The following TM9SF4 variants were observed in gnomAD, a reference collection of about 807,000 sequenced individuals.
TM9SF4 encodes dinucleotide oxidase disulfide thiol exchanger 3 superfamily member 4.
In TM9SF4, 26 loss-of-function variants were observed where a neutral mutation model predicts 90.4. The observed-to-expected ratio is 0.29, with a 90% CI of 0.21 to 0.40. The LOEUF (loss-of-function observed/expected upper bound fraction) is 0.40, where lower values mean the gene tolerates loss of function less well. Among genes scored for constraint, TM9SF4 ranks in the 10% least tolerant of loss-of-function variants. TM9SF4 has a pLI of 1.00. For synonymous variants in TM9SF4, 293 were observed against 315.4 expected, an observed-to-expected ratio of 0.93 and a Z score of 0.75; for missense variants, 549 against 834.8, an observed-to-expected ratio of 0.66 and a Z score of 4.22.
chr20:32,116,862 CTTTTTTTTTTTTTTTTTTT>C (rs201365030), intron 1 of TM9SF4, among the ~76,000 whole-genome samples: 3 of 95,852 alleles, frequency 3.1e-5, no homozygotes, highest in South Asian at 3.6e-4. Flanking sequence ...TTTCCTTTTT[CTTTTTTTTTTTTTTTTTTT>C]TTTTTTTGCT....
intron 1 of TM9SF4, among the ~76,000 whole-genome samples, chr20:32,124,658 C>T (rs983747331): frequency 1.3e-5 from 2 of 151,696 alleles, no homozygotes; most frequent in African/African-American, 4.8e-5. Flanking sequence ...ACAATCTTGG[C>T]TCACTGCAAC....
intron 2 of TM9SF4, 143 bp downstream of exon 2, chr20:32,133,269 T>A: frequency 1.5e-6 from 1 of 650,844 alleles, no homozygotes; most frequent in South Asian, 2.3e-5. Context: ...TCCCTCTCCC[T>A]GTGCCTCTGG....
intron 12 of TM9SF4, among the ~76,000 whole-genome samples, chr20:32,154,311 G>T (rs1569100900): frequency 6.6e-6 from 1 of 151,374 alleles, no homozygotes; most frequent in East Asian, 1.9e-4. Flanking sequence ...ACCACGCCTG[G>T]CTAATTTTTT....
At chr20:32,161,088 C>A in intron 16 of TM9SF4, 188 bp from the exon 17 acceptor site, 1 of 541,370 alleles carries the variant, frequency 1.8e-6, no homozygotes. Flanking sequence ...CTTCTTTGTC[C>A]ACAGTTCTGT....
chr20:32,136,945 G>C (rs764622900), intron 3 of TM9SF4: 16 of 470,986 alleles, frequency 3.4e-5, no homozygotes, highest in Non-Finnish European at 6.6e-5. Flanking sequence ...TCAGGGCTAC[G>C]CATGGCTCAG....
In TM9SF4 at chr20:32,146,940, A is replaced by T. The variant is rs190296178; in HGVS notation, c.954+85A>T. ...TGTGCATATGTTTGTGTATATTATC[A>T]TTCAAAGAGGAAACCTCAAAATACT... On this transcript the variant is annotated intron_variant, in intron 9 of 17. Transcript: ENST00000398022. 929 of 1,305,888 alleles carry T rather than the reference A, an allele frequency of 7.1e-4. 6 individuals are homozygous for T. The African/African-American group carries it at 0.013, about 18-fold the overall frequency. The allele number at this position is 1,305,888 out of a possible 1,614,324, so 80.9% of individuals were successfully genotyped here. A position where few individuals can be genotyped will look rare whatever the true frequency, so the allele number is the denominator to read the frequency against.
At position 32,123,866 on chromosome 20, in the gene TM9SF4, A is replaced by ATATATT; in HGVS notation, c.16-9146_16-9145insATATTT. Among the ~76,000 whole-genome samples, 208 of 93,958 alleles carry ATATATT rather than the reference A, an allele frequency of 2.2e-3. 2 individuals are homozygous for ATATATT. Among genetic ancestry groups the ATATATT allele is most frequent in the Non-Finnish European group, 3.5e-3 (179 of 51,256 alleles). 61.6% of individuals were successfully genotyped at this position (93,958 alleles called of 152,430 possible). A position where few individuals can be genotyped will look rare whatever the true frequency, so the allele number is the denominator to read the frequency against. On this transcript the variant is annotated intron_variant, in intron 1 of 17. Coordinates refer to ENST00000398022, the MANE Select transcript of TM9SF4 (RefSeq NM_014742.4). ...CTCTCATATATATATATATATATAT[A>ATATATT]TTTTTTTTTTTAAAGAGATAGGGTC... is the stretch of plus-strand genomic sequence containing the variant.
Position 32,143,162 on chromosome 20 carries a change from G to A in TM9SF4, c.652+57G>A, listed in dbSNP as rs1025067150. ...GCTGGATGGGCCTGGGCTTCTCCACGCAGGGTCTTCGCACTCTTCTCCCTC... is the reference window on the plus strand; with the variant it reads ...GCTGGATGGGCCTGGGCTTCTCCACACAGGGTCTTCGCACTCTTCTCCCTC... On this transcript the variant is annotated intron_variant, in intron 6 of 17. Coordinates refer to ENST00000398022, the MANE Select transcript of TM9SF4 (RefSeq NM_014742.4). The A allele has an allele frequency of 9.4e-6, 15 of 1,593,024 alleles. No individual in the cohort carries two copies. In the African/African-American group the frequency reaches 1.1e-4, roughly 11 times the overall value.
intron 10 of TM9SF4, 86 bp from the exon 11 acceptor site, chr20:32,150,536 T>C: frequency 6.5e-7 from 1 of 1,531,950 alleles, no homozygotes; most frequent in Non-Finnish European, 9.0e-7. Flanking sequence ...CTGTCCAAGG[T>C]GGGCCTGGGG....
At chr20:32,126,892 C>T (rs1173594895) in intron 1 of TM9SF4, among the ~76,000 whole-genome samples, 4 of 152,146 alleles carry the variant, frequency 2.6e-5, no homozygotes, top group South Asian at 2.1e-4. Context: ...CCTGCCACCA[C>T]GCCGGCTAAT....
At chr20:32,128,236 T>A (rs1266758220) in intron 1 of TM9SF4, among the ~76,000 whole-genome samples, 1 of 152,200 alleles carries the variant, frequency 6.6e-6, no homozygotes, top group Non-Finnish European at 1.5e-5. Flanking sequence ...GATGCAGTTT[T>A]AAATCTAGTC....
intron 1 of TM9SF4, among the ~76,000 whole-genome samples, chr20:32,114,874 T>C (rs938678228): frequency 6.6e-6 from 1 of 152,212 alleles, no homozygotes; most frequent in Admixed American, 6.5e-5. Flanking sequence ...GCAAATTACT[T>C]TGGCTTCATT....
At chr20:32,157,109 G>A (rs981464267) in intron 13 of TM9SF4, among the ~76,000 whole-genome samples, 25 of 151,438 alleles carry the variant, frequency 1.7e-4, no homozygotes, top group Admixed American at 7.2e-4. Context: ...CACAGTGCCC[G>A]GCTAATTTTT....
At chr20:32,155,602 G>A (rs1443311811) in intron 13 of TM9SF4, among the ~76,000 whole-genome samples, 1 of 152,184 alleles carries the variant, frequency 6.6e-6, no homozygotes, top group Non-Finnish European at 1.5e-5. Flanking sequence ...GGAAAGGAAG[G>A]ATCAGGTTGT....
At chr20:32,157,100 A>C (rs1479395350) in intron 13 of TM9SF4, among the ~76,000 whole-genome samples, 1 of 151,036 alleles carries the variant, frequency 6.6e-6, no homozygotes, top group Non-Finnish European at 1.5e-5. Flanking sequence ...GGTGCCCCCC[A>C]CAGTGCCCGG....
intron 1 of TM9SF4, among the ~76,000 whole-genome samples, chr20:32,129,278 A>G (rs905136586): frequency 4.6e-5 from 7 of 152,148 alleles, no homozygotes; most frequent in African/African-American, 1.7e-4. Flanking sequence ...GGATTGCTTG[A>G]GCCCAGAAGT....
Position 32,145,190 on chromosome 20 carries a change from C to A in TM9SF4, c.752C>A (p.Thr251Asn). 1.9e-6 allele frequency: 3 copies of A among 1,614,218 alleles called. No individual in the cohort carries two copies. The highest frequency in any genetic ancestry group is 2.5e-6 in the Non-Finnish European group (3 of 1,180,036). ...ACCAAGGAGAATCAGCTGTACTTCA[C>A]CTACTCTGTCCACTGGGAGGTGAGA... ...DPTKENQLYFTYSVHWEESDI... is the reference protein window; with the variant it reads ...DPTKENQLYFNYSVHWEESDI... Residue 251 changes from threonine (T) to asparagine (N), a missense_variant, in exon 7 of 18, where the codon ACC becomes AAC. Coordinates refer to ENST00000398022, the MANE Select transcript of TM9SF4 (RefSeq NM_014742.4).
At position 32,123,866 on chromosome 20, in the gene TM9SF4, A is replaced by ATATATTT; in HGVS notation, c.16-9146_16-9145insATATTTT. 2.6e-3 allele frequency among the ~76,000 whole-genome samples: 248 copies of ATATATTT among 93,944 alleles called. 2 individuals are homozygous for ATATATTT. Among genetic ancestry groups the ATATATTT allele is most frequent in the Middle Eastern group, 5.6e-3 (1 of 180 alleles). 61.6% of individuals were successfully genotyped at this position (93,944 alleles called of 152,430 possible). A position where few individuals can be genotyped will look rare whatever the true frequency, so the allele number is the denominator to read the frequency against. ...CTCTCATATATATATATATATATATATTTTTTTTTTTAAAGAGATAGGGTC... is the reference window on the plus strand; with the variant it reads ...CTCTCATATATATATATATATATATATATATTTTTTTTTTTTTTAAAGAGATAGGGTC... On this transcript the variant is annotated intron_variant, in intron 1 of 17. Coordinates refer to ENST00000398022, the MANE Select transcript of TM9SF4 (RefSeq NM_014742.4).
intron 1 of TM9SF4, among the ~76,000 whole-genome samples, chr20:32,131,099 C>G (rs1448373499): frequency 6.6e-6 from 1 of 152,194 alleles, no homozygotes; most frequent in Non-Finnish European, 1.5e-5. Flanking sequence ...ACCTACTAGT[C>G]TTGTCATTTC....
Sources: gnomAD v4.1 joint callset for allele counts (sites outside exome capture counted in the v4.1 genomes callset) on GRCh38, gnomAD v4.1.1 for gene constraint, MANE v1.5 for transcripts, NCBI Gene and HGNC (gene_info 2026-07-23, HGNC 2026-07-21) for gene names.